Variants in PRDM16 observed in about 807,000 individuals in gnomAD.
The protein encoded by PRDM16 is PR/SET domain 16.
Under a neutral mutation model 110.6 loss-of-function variants are expected in PRDM16, and 23 were observed. That is an observed-to-expected ratio of 0.21 (90% CI 0.15 to 0.29). The LOEUF (loss-of-function observed/expected upper bound fraction) is 0.29, where lower values mean the gene tolerates loss of function less well. Among genes scored for constraint, PRDM16 ranks in the 10% least tolerant of loss-of-function variants. The probability of loss-of-function intolerance (pLI) is 1.00; values close to 1 mark genes in which losing one functional copy is unlikely to be tolerated. For missense variants in PRDM16, 1,615 were observed against 1,794.3 expected, an observed-to-expected ratio of 0.90 and a Z score of 1.81; for synonymous variants, 799 against 781.8, an observed-to-expected ratio of 1.02 and a Z score of -0.37.
At chr1:3,240,530 T>C (rs958008705) in intron 2 of PRDM16, among the ~76,000 whole-genome samples, 46 of 152,106 alleles carry the variant, frequency 3.0e-4, no homozygotes, top group African/African-American at 9.9e-4. Flanking sequence ...GGGTCCCTCA[T>C]GGGCCTCAGC....
chr1:3,348,574 G>A lies in PRDM16; in HGVS notation c.439-36578G>A, dbSNP rs1283531397. 2.6e-5 allele frequency among the ~76,000 whole-genome samples: 4 copies of A among 152,364 alleles called. No homozygotes were observed. In the East Asian group the frequency reaches 7.7e-4, roughly 29 times the overall value. Reference sequence around the variant, plus strand: ...AGGGACATGCACGCTTCTTAAAGAGGCCCTCCGCCATGGCCTCCAGCAGAA... The same window carrying A: ...AGGGACATGCACGCTTCTTAAAGAGACCCTCCGCCATGGCCTCCAGCAGAA... On this transcript the variant is annotated intron_variant, in intron 3 of 16. Transcript: ENST00000270722.
rs1279487351 is a variant in PRDM16, at chr1:3,069,725, C to A, written c.37+429C>A. ...CGCTCGCTCTCTCCCTCTCTCTCTC[C>A]GAGTGGCTCTCAGTCCTGGTCAAAT... On this transcript the variant is annotated intron_variant, in intron 1 of 16. Transcript: ENST00000270722. The surrounding 1 kb of genome is among the most constrained non-coding windows in gnomAD (Gnocchi z 6.1). 6.6e-6 allele frequency among the ~76,000 whole-genome samples: 1 copy of A among 152,034 alleles called. No individual in the cohort carries two copies. Among genetic ancestry groups the A allele is most frequent in the Non-Finnish European group, 1.5e-5 (1 of 67,988 alleles).
chr1:3,355,134 T>C (rs1222920020), intron 3 of PRDM16, among the ~76,000 whole-genome samples: 1 of 152,058 alleles, frequency 6.6e-6, no homozygotes, highest in Non-Finnish European at 1.5e-5. Context: ...TGCTGAGGAT[T>C]GGATCGTGGG....
intron 3 of PRDM16, among the ~76,000 whole-genome samples, chr1:3,306,445 G>T (rs1641314800): frequency 6.6e-6 from 1 of 152,210 alleles, no homozygotes; most frequent in Non-Finnish European, 1.5e-5. Context: ...AAGAACTCAG[G>T]TGCTGACAGG....
At chr1:3,109,580 G>T (rs1642738843) in intron 1 of PRDM16, among the ~76,000 whole-genome samples, 1 of 152,190 alleles carries the variant, frequency 6.6e-6, no homozygotes, top group Non-Finnish European at 1.5e-5. Context: ...CATTAGACCG[G>T]GGCTTCCGCC....
intron 1 of PRDM16, among the ~76,000 whole-genome samples, chr1:3,095,875 C>T (rs1236854236): frequency 6.6e-6 from 1 of 152,110 alleles, no homozygotes; most frequent in Non-Finnish European, 1.5e-5. Context: ...GGTCCTCATG[C>T]TCAGAGGGTG....
chr1:3,210,340 G>T (rs1156661931), intron 2 of PRDM16, among the ~76,000 whole-genome samples: 1 of 152,204 alleles, frequency 6.6e-6, no homozygotes, highest in African/African-American at 2.4e-5. Flanking sequence ...TGCTCCCTGG[G>T]ATCCATGGGG....
chr1:3,407,275 C>CCGT (rs1280281146), intron 8 of PRDM16, among the ~76,000 whole-genome samples: 1 of 152,222 alleles, frequency 6.6e-6, no homozygotes, highest in African/African-American at 2.4e-5. Flanking sequence ...CAGCGTCCAG[C>CCGT]CGTCCTGCTA....
chr1:3,283,230 T>C (rs984036420), intron 3 of PRDM16, among the ~76,000 whole-genome samples: 2 of 152,122 alleles, frequency 1.3e-5, no homozygotes, highest in Non-Finnish European at 2.9e-5. Flanking sequence ...CAGCTGCCCA[T>C]TAGAGGCGGG....
At chr1:3,095,095 G>A (rs1302730555) in intron 1 of PRDM16, among the ~76,000 whole-genome samples, 6 of 152,204 alleles carry the variant, frequency 3.9e-5, no homozygotes, top group South Asian at 2.1e-4. Context: ...TGGCCCAGGC[G>A]AGCAGCCAGG....
rs1227650138 is a variant in PRDM16, at chr1:3,425,964, C to T, written c.3110-87C>T. ...GAAACCTGCCTCCCTAACAGCACCC[C>T]AGGTGTACCCCGTTCGCGGTTGGTT... On this transcript the variant is annotated intron_variant, in intron 13 of 16. Transcript: ENST00000270722. This position sits in a 1 kb window ranked among gnomAD's most constrained non-coding sequence, Gnocchi z 6.9. 4 of 1,443,484 alleles carry T rather than the reference C, an allele frequency of 2.8e-6. No individual in the cohort carries two copies. In the East Asian group the frequency reaches 9.5e-5, roughly 34 times the overall value. The allele number at this position is 1,443,484 out of a possible 1,614,324, so 89.4% of individuals were successfully genotyped here.
chr1:3,089,780 C>T (rs928489450), intron 1 of PRDM16, among the ~76,000 whole-genome samples: 14 of 152,192 alleles, frequency 9.2e-5, no homozygotes, highest in Admixed American at 9.2e-4. Context: ...CTCCCACCCG[C>T]ACCAGGGATG....
chr1:3,323,803 G>C (rs548076245), intron 3 of PRDM16, among the ~76,000 whole-genome samples: 1 of 152,218 alleles, frequency 6.6e-6, no homozygotes, highest in Non-Finnish European at 1.5e-5. Context: ...ACTCCTGGCC[G>C]TGGCCTGTGA....
At chr1:3,330,205 G>T (rs1642014926) in intron 3 of PRDM16, among the ~76,000 whole-genome samples, 1 of 152,240 alleles carries the variant, frequency 6.6e-6, no homozygotes. Flanking sequence ...GCTAGAGGCG[G>T]GGAATGAGGC....
intron 2 of PRDM16, among the ~76,000 whole-genome samples, chr1:3,230,737 G>A (rs1639388125): frequency 6.6e-6 from 1 of 152,248 alleles, no homozygotes; most frequent in Admixed American, 6.5e-5. Flanking sequence ...AGCCCTGCCT[G>A]CCTGTCTCGC....
intron 1 of PRDM16, among the ~76,000 whole-genome samples, chr1:3,152,512 C>T (rs1643795793): frequency 6.6e-6 from 1 of 152,170 alleles, no homozygotes; most frequent in Non-Finnish European, 1.5e-5. Context: ...TAAATTAGAT[C>T]CCATCTCCCA....
chr1:3,153,442 G>A lies in PRDM16; in HGVS notation c.38-32683G>A, dbSNP rs1643810931. On this transcript the variant is annotated intron_variant, in intron 1 of 16. Transcript: ENST00000270722. Reference sequence around the variant, plus strand: ...CCATGTGCGGCTAGACAGGACGGGCGGGCGGTTCCCCAGGAAGAGAAGCTC... The same window carrying A: ...CCATGTGCGGCTAGACAGGACGGGCAGGCGGTTCCCCAGGAAGAGAAGCTC... Among the ~76,000 whole-genome samples, 9 of 152,350 alleles carry A rather than the reference G, an allele frequency of 5.9e-5. No individual in the cohort carries two copies. The South Asian group carries it at 1.7e-3, about 28-fold the overall frequency.
chr1:3,391,406 C>T (rs1002012598), intron 4 of PRDM16, among the ~76,000 whole-genome samples: 3 of 152,214 alleles, frequency 2.0e-5, no homozygotes, highest in African/African-American at 7.2e-5. Context: ...TGAACCGCTA[C>T]GCAAACCACC....
At position 3,233,109 on chromosome 1, in the gene PRDM16, G is replaced by A. The variant is rs971170294; in HGVS notation, c.388-10978G>A. Among the ~76,000 whole-genome samples, 7 of 152,210 alleles carry A rather than the reference G, an allele frequency of 4.6e-5. No individual in the cohort carries two copies. The South Asian group carries it at 6.2e-4, about 14-fold the overall frequency. ...GTGATTTATTTTCCCCGTGGAAAGC[G>A]AAGCTCCCTGGGGAGATGCTGGTGC... is the stretch of plus-strand genomic sequence containing the variant. On this transcript the variant is annotated intron_variant, in intron 2 of 16. Transcript: ENST00000270722.
Sources: gnomAD v4.1 joint callset for allele counts (sites outside exome capture counted in the v4.1 genomes callset) on GRCh38, gnomAD v4.1.1 for gene constraint, Gnocchi (gnomAD v3.1) non-coding constraint, MANE v1.5 for transcripts, NCBI Gene and HGNC (gene_info 2026-07-23, HGNC 2026-07-21) for gene names.